Variants in ELK3 observed in about 807,000 individuals in gnomAD.
ELK3 encodes the protein ETS domain-containing protein Elk-3.
Under a neutral mutation model 28.9 loss-of-function variants are expected in ELK3, and 10 were observed. The observed-to-expected ratio is 0.35, with a 90% confidence interval of 0.21 to 0.59. The LOEUF is 0.59. Ranked by LOEUF, ELK3 falls within the 20% of genes least tolerant of loss-of-function variation. The probability of loss-of-function intolerance (pLI) is 0.82; values close to 1 mark genes in which losing one functional copy is unlikely to be tolerated. For missense variants in ELK3, 463 were observed against 517.3 expected (o/e 0.90, Z 1.02); for synonymous variants, 272 against 243.5 (o/e 1.12, Z -1.09).
At position 96,198,767 on chromosome 12, in the gene ELK3, TA is replaced by T. The variant is rs1485896675; in HGVS notation, c.-3+4069del. Among the ~76,000 whole-genome samples, 12 of 152,302 alleles carry T rather than the reference TA, an allele frequency of 7.9e-5. No individual in the cohort carries two copies. In the South Asian group the frequency reaches 2.5e-3, roughly 32 times the overall value. On this transcript the variant is annotated intron_variant, in intron 1 of 4. Transcript: ENST00000228741. ...TTTGATGTGTAATTGTTCAGTTTTT[TA>T]AAAAAATGCATATGTGTGTCTATGT...
At chr12:96,223,174 C>T (rs1269425325) in intron 1 of ELK3, among the ~76,000 whole-genome samples, 2 of 152,084 alleles carry the variant, frequency 1.3e-5, no homozygotes, top group Non-Finnish European at 2.9e-5. Flanking sequence ...TATCACGGAC[C>T]CACAAAGAAA....
At chr12:96,217,155 A>G (rs1330456608) in intron 1 of ELK3, among the ~76,000 whole-genome samples, 2 of 152,186 alleles carry the variant, frequency 1.3e-5, no homozygotes, top group African/African-American at 2.4e-5. Context: ...GGAGCTAGAG[A>G]TGGGAGGATT....
intron 1 of ELK3, among the ~76,000 whole-genome samples, chr12:96,208,711 G>A (rs1194410674): frequency 6.6e-6 from 1 of 152,188 alleles, no homozygotes; most frequent in Non-Finnish European, 1.5e-5. Context: ...TGGTAGGACA[G>A]GGGAGCAGAA....
intron 3 of ELK3, among the ~76,000 whole-genome samples, chr12:96,256,543 G>A (rs1951950445): frequency 6.6e-6 from 1 of 152,158 alleles, no homozygotes; most frequent in Admixed American, 6.5e-5. Context: ...TAAGCCAGGG[G>A]GGACCCAGCT....
chr12:96,211,677 A>G (rs983033302), intron 1 of ELK3, among the ~76,000 whole-genome samples: 20 of 152,178 alleles, frequency 1.3e-4, no homozygotes, highest in African/African-American at 4.6e-4. Context: ...ACAATGTGAT[A>G]TTTATAATGA....
intron 1 of ELK3, among the ~76,000 whole-genome samples, chr12:96,201,292 C>T (rs928769605): frequency 6.6e-6 from 1 of 152,082 alleles, no homozygotes; most frequent in Non-Finnish European, 1.5e-5. Context: ...AGTAAATCTT[C>T]CCAGACCTCA....
intron 4 of ELK3, among the ~76,000 whole-genome samples, chr12:96,263,920 A>G (rs1247776750): frequency 1.3e-5 from 2 of 152,154 alleles, no homozygotes; most frequent in Admixed American, 1.3e-4. Context: ...ACAATCACTG[A>G]TATTAGTGTG....
chr12:96,217,937 C>CAAAAAAA, intron 1 of ELK3, among the ~76,000 whole-genome samples: 1 of 85,742 alleles, frequency 1.2e-5, no homozygotes, highest in African/African-American at 4.2e-5. Context: ...GACGCCGTCT[C>CAAAAAAA]AAAAAAAAAA....
intron 2 of ELK3, among the ~76,000 whole-genome samples, chr12:96,240,417 T>C (rs1194767717): frequency 2.6e-5 from 4 of 152,188 alleles, no homozygotes; most frequent in African/African-American, 7.2e-5. Context: ...GGCGTTCTGA[T>C]AGAAGCTGTA....
chr12:96,226,883 G>A (rs939632331), intron 2 of ELK3, among the ~76,000 whole-genome samples: 2 of 152,164 alleles, frequency 1.3e-5, no homozygotes, highest in African/African-American at 4.8e-5. Flanking sequence ...AGAGGGGATG[G>A]AGAAGGAGGA....
chr12:96,254,061 C>T (rs552287572), intron 3 of ELK3, among the ~76,000 whole-genome samples: 41 of 152,362 alleles, frequency 2.7e-4, no homozygotes, highest in African/African-American at 9.6e-4. Flanking sequence ...CGCAGTGGCT[C>T]ACGCCTGTAA....
chr12:96,256,773 A>G (rs1175321659), intron 3 of ELK3, among the ~76,000 whole-genome samples: 2 of 152,208 alleles, frequency 1.3e-5, no homozygotes, highest in East Asian at 1.9e-4. Context: ...AGATCAGGAA[A>G]GTGTCCTTGG....
chr12:96,245,257 A>G (rs1951847973), intron 2 of ELK3, among the ~76,000 whole-genome samples: 1 of 152,170 alleles, frequency 6.6e-6, no homozygotes, highest in African/African-American at 2.4e-5. Context: ...TTAGAACCAC[A>G]CTATGATTTC....
Position 96,235,241 on chromosome 12 carries a change from T to C in ELK3, c.207+11468T>C, listed in dbSNP as rs1295929528. Among the ~76,000 whole-genome samples the C allele has an allele frequency of 7.7e-5, 9 of 116,660 alleles. No homozygotes were observed. In the Admixed American group the frequency reaches 8.0e-4, roughly 10 times the overall value. 76.5% of individuals were successfully genotyped at this position (116,660 alleles called of 152,430 possible). A position where few individuals can be genotyped will look rare whatever the true frequency, so the allele number is the denominator to read the frequency against. On this transcript the variant is annotated intron_variant, in intron 2 of 4. Coordinates refer to ENST00000228741, the MANE Select transcript of ELK3 (RefSeq NM_005230.4). ...CCAGCATCTTCTCAGGCCCCCTCCT[T>C]CCCCCTGCCCTTCTTGCCTGGCTCA...
intron 3 of ELK3, among the ~76,000 whole-genome samples, chr12:96,248,741 C>T (rs1370705901): frequency 2.6e-5 from 4 of 152,196 alleles, no homozygotes; most frequent in East Asian, 3.9e-4. Flanking sequence ...GCAGCAGCCG[C>T]GGCAGCATAT....
intron 1 of ELK3, among the ~76,000 whole-genome samples, chr12:96,201,299 C>T (rs1217646021): frequency 2.6e-5 from 4 of 152,040 alleles, no homozygotes; most frequent in African/African-American, 9.7e-5. Context: ...CTTCCCAGAC[C>T]TCAGTTTCTT....
At chr12:96,200,917 C>T (rs1279540680) in intron 1 of ELK3, among the ~76,000 whole-genome samples, 2 of 152,168 alleles carry the variant, frequency 1.3e-5, no homozygotes, top group African/African-American at 2.4e-5. Context: ...CCTGTCTCCA[C>T]CTCCAAAGGG....
At chr12:96,210,968 C>T (rs1206365071) in intron 1 of ELK3, among the ~76,000 whole-genome samples, 2 of 152,276 alleles carry the variant, frequency 1.3e-5, no homozygotes, top group South Asian at 2.1e-4. Flanking sequence ...GGGGCATATG[C>T]GCGTTGATTA....
At chr12:96,242,342 T>A (rs1951827206) in intron 2 of ELK3, among the ~76,000 whole-genome samples, 2 of 152,214 alleles carry the variant, frequency 1.3e-5, no homozygotes, top group Non-Finnish European at 2.9e-5. Flanking sequence ...TTTCCGAGCC[T>A]CAGCTTGCTT....
Sources: gnomAD v4.1 joint callset for allele counts (sites outside exome capture counted in the v4.1 genomes callset) on GRCh38, gnomAD v4.1.1 for gene constraint, MANE v1.5 for transcripts, NCBI Gene and HGNC (gene_info 2026-07-23, HGNC 2026-07-21) for gene names.